Variants in ITGA5 observed in about 807,000 individuals in gnomAD.
ITGA5 encodes integrin alpha-5.
A neutral mutation model predicts 146.3 loss-of-function variants in ITGA5; 55 were observed. The ratio of observed to expected loss-of-function variants is 0.38; its 90% confidence interval spans 0.30 to 0.47. The LOEUF is 0.47. Among genes scored for constraint, ITGA5 ranks in the 20% least tolerant of loss-of-function variants. The pLI is 0.99. For synonymous variants in ITGA5, 500 were observed against 531.8 expected (o/e 0.94, Z 0.82); for missense variants, 1,131 against 1,329.0 (o/e 0.85, Z 2.32).
In ITGA5 at chr12:54,404,129, C is replaced by T; in HGVS notation, c.1565+16G>A. On this transcript the variant is annotated intron_variant, in intron 15 of 29. Coordinates refer to ENST00000293379, the MANE Select transcript of ITGA5 (RefSeq NM_002205.5). Reference sequence around the variant, plus strand: ...CCCAGGCTCAGGTCTCTGCAATTTCCTGGGCACCAGCTCACCAGGCCACAG... The same window carrying T: ...CCCAGGCTCAGGTCTCTGCAATTTCTTGGGCACCAGCTCACCAGGCCACAG... 1 of 1,575,016 alleles carries T rather than the reference C, an allele frequency of 6.3e-7. No individual in the cohort carries two copies. Among genetic ancestry groups the T allele is most frequent in the Non-Finnish European group, 8.6e-7 (1 of 1,159,130 alleles).
Position 54,416,226 on chromosome 12 carries a change from C to T in ITGA5, c.218+2755G>A, listed in dbSNP as rs1190326838. ...CTGGGATTACAGGTGCGTGCCAGCA[C>T]GCTCGGCTAATTTTTTTATTTTTAG... On this transcript the variant is annotated intron_variant, in intron 1 of 29. Coordinates refer to ENST00000293379, the MANE Select transcript of ITGA5 (RefSeq NM_002205.5). This position sits in a 1 kb window ranked among gnomAD's most constrained non-coding sequence, Gnocchi z 4.1. 3.9e-5 allele frequency among the ~76,000 whole-genome samples: 6 copies of T among 152,158 alleles called. No homozygotes were observed. The highest frequency in any genetic ancestry group is 7.2e-5 in the African/African-American group (3 of 41,446).
chr12:54,408,299 G>T (rs1955894152), intron 6 of ITGA5, 64 bp from the exon 7 acceptor site: 1 of 1,564,704 alleles, frequency 6.4e-7, no homozygotes, highest in South Asian at 1.1e-5. Context: ...GGGACTCTGG[G>T]GGCTGACTGG....
At position 54,402,098 on chromosome 12, in the gene ITGA5, A is replaced by G. The variant is rs763704796; in HGVS notation, c.2134-5T>C. On this transcript the variant is annotated splice_polypyrimidine_tract_variant and splice_region_variant and intron_variant, in intron 20 of 29. Coordinates refer to ENST00000293379, the MANE Select transcript of ITGA5 (RefSeq NM_002205.5). ...ACAGCTCAGGCTGGAGAAGTTCTGGAGATGGGGTGGGCACTGGTCAGGTTT... is the reference window on the plus strand; with the variant it reads ...ACAGCTCAGGCTGGAGAAGTTCTGGGGATGGGGTGGGCACTGGTCAGGTTT... 3.1e-6 allele frequency: 5 copies of G among 1,613,948 alleles called. No individual in the cohort carries two copies. In the African/African-American group the frequency reaches 6.7e-5, roughly 22 times the overall value.
At chr12:54,404,581 AG>A in intron 13 of ITGA5, 106 bp from the exon 14 acceptor site, 6 of 1,499,468 alleles carry the variant, frequency 4.0e-6, no homozygotes, top group Non-Finnish European at 5.6e-6. Flanking sequence ...GTGAGAAGAC[AG>A]CGCCCTCTGT....
In ITGA5 at chr12:54,409,541, A is replaced by T; in HGVS notation, c.406T>A (p.Tyr136Asn). 1 of 1,613,740 alleles carries T rather than the reference A, an allele frequency of 6.2e-7. No individual in the cohort carries two copies. ...SSSEGEEPVEYKSLQWFGATV... is the reference protein window; with the variant it reads ...SSSEGEEPVENKSLQWFGATV... ...GCCCCGAACCACTGCAAGGACTTGT[A>T]CTCCACAGGCTCCTCTCCCTCTGAG... The change falls in exon 3 of 30, where the codon TAC (tyrosine) becomes AAC (asparagine). Residue 136 changes from tyrosine to asparagine, a missense_variant. Around this residue, in one of 3 missense-constraint regions of ITGA5, gnomAD observed 175 missense variants for 179.3 expected, o/e 0.98. Transcript: ENST00000293379. The surrounding 1 kb of genome is among the most constrained non-coding windows in gnomAD (Gnocchi z 4.7).
At chr12:54,405,100 C>T (rs992011706) in intron 12 of ITGA5, 66 bp downstream of exon 12, 4 of 1,417,306 alleles carry the variant, frequency 2.8e-6, no homozygotes, top group East Asian at 4.6e-5. Context: ...CAGATGCCCT[C>T]TCCCCAAATC....
In ITGA5 at chr12:54,403,201, GGCTCTT is replaced by G; in HGVS notation, c.1894_1899del (p.Lys632_Ser633del). Reference sequence around the variant, plus strand: ...CCTGTCCTCACCTTGTCCTCTATCCGGCTCTTGCTCTGATAATGTAGGGCTGGCCTG... The same window carrying G: ...CCTGTCCTCACCTTGTCCTCTATCCGGCTCTGATAATGTAGGGCTGGCCTG... On this transcript the variant is annotated inframe_deletion, in exon 18 of 30. Transcript: ENST00000293379. The surrounding 1 kb of genome is among the most constrained non-coding windows in gnomAD (Gnocchi z 4.9). The G allele has an allele frequency of 6.4e-7, 1 of 1,559,288 alleles. No homozygotes were observed. Among genetic ancestry groups the G allele is most frequent in the Non-Finnish European group, 8.7e-7 (1 of 1,154,142 alleles).
intron 15 of ITGA5, 51 bp from the exon 16 acceptor site, chr12:54,404,017 C>A: frequency 1.3e-6 from 2 of 1,599,502 alleles, no homozygotes; most frequent in Non-Finnish European, 1.7e-6. Flanking sequence ...AACAGACATC[C>A]TATCCTCTAC....
At position 54,397,442 on chromosome 12, in the gene ITGA5, C is replaced by A. The variant is rs771692164; in HGVS notation, c.2989G>T (p.Val997Phe). ...GCTAGGATGATGATCCACAGTGGGA[C>A]GCCATAGCTGCCTTCTGCCTTGGTC... is the stretch of plus-strand genomic sequence containing the variant. ...QWTKAEGSYG[V>F]PLWIIILAIL... The change falls in exon 29 of 30, where the codon GTC becomes TTC. Residue 997 changes from valine (V) to phenylalanine (F), a missense_variant. Val to Phe is a conservative substitution (Grantham distance 50, BLOSUM62 -1). Transcript: ENST00000293379. 6.2e-7 allele frequency: 1 copy of A among 1,614,142 alleles called. No homozygotes were observed. Among genetic ancestry groups the A allele is most frequent in the East Asian group, 2.2e-5 (1 of 44,890 alleles).
chr12:54,399,719 G>C lies in ITGA5; in HGVS notation c.2767C>G (p.Leu923Val). The C allele has an allele frequency of 1.2e-6, 2 of 1,614,178 alleles. No individual in the cohort carries two copies. Among genetic ancestry groups the C allele is most frequent in the Non-Finnish European group, 1.7e-6 (2 of 1,180,022 alleles). ...CTCTCTTGTTGGTGCAGGGGCCCGA[G>C]CTCACAGCGCAGCCTGAAACACTCA... Reference protein sequence around the residue: ...EAECFRLRCELGPLHQQESQS... With the variant: ...EAECFRLRCEVGPLHQQESQS... The change falls in exon 27 of 30, where the codon CTC becomes GTC. Residue 923 changes from leucine to valine, a missense_variant. By Grantham distance (32) the Leu-to-Val change is conservative (BLOSUM62 1). Around this residue, in one of 3 missense-constraint regions of ITGA5, gnomAD observed 889 missense variants for 1,021.5 expected, o/e 0.87. Transcript: ENST00000293379.
Position 54,404,038 on chromosome 12 carries a change from G to A in ITGA5, c.1566-72C>T, listed in dbSNP as rs1237083067. 5.7e-6 allele frequency: 9 copies of A among 1,583,298 alleles called. No individual in the cohort carries two copies. The Admixed American group carries it at 1.0e-4, about 18-fold the overall frequency. On this transcript the variant is annotated intron_variant, in intron 15 of 29. Transcript: ENST00000293379. ...CATCCTATCCTCTACCTATCTCCCA[G>A]CCAGACCCAGACTAGGACACCACCA...
At chr12:54,414,719 C>T (rs777110881) in intron 1 of ITGA5, among the ~76,000 whole-genome samples, 1 of 150,568 alleles carries the variant, frequency 6.6e-6, no homozygotes, top group Non-Finnish European at 1.5e-5. Flanking sequence ...TGGTGGCGGG[C>T]GCTTGTAGTC....
Position 54,401,259 on chromosome 12 carries a change from T to A in ITGA5, c.2493+114A>T. On this transcript the variant is annotated intron_variant, in intron 24 of 29. Coordinates refer to ENST00000293379, the MANE Select transcript of ITGA5 (RefSeq NM_002205.5). The surrounding 1 kb of genome is among the most constrained non-coding windows in gnomAD (Gnocchi z 5.0). ...CTGCCTCATGCCTTTGCATATCACTTACTCCTCCCTCCTCTCTTTCTCTCA... is the reference window on the plus strand; with the variant it reads ...CTGCCTCATGCCTTTGCATATCACTAACTCCTCCCTCCTCTCTTTCTCTCA... 1.1e-6 allele frequency: 1 copy of A among 873,424 alleles called. No individual in the cohort carries two copies. Among genetic ancestry groups the A allele is most frequent in the Non-Finnish European group, 1.9e-6 (1 of 522,086 alleles). The allele number at this position is 873,424 out of a possible 1,614,324, so 54.1% of individuals were successfully genotyped here.
chr12:54,400,370 T>C lies in ITGA5; in HGVS notation c.2644-423A>G, dbSNP rs185172640. ...TCACTTCATCACCTTTCAATCCCTG[T>C]TAATTTTTCTCCTTCTCTTTTTCTT... is the stretch of plus-strand genomic sequence containing the variant. On this transcript the variant is annotated intron_variant, in intron 25 of 29. Coordinates refer to ENST00000293379, the MANE Select transcript of ITGA5 (RefSeq NM_002205.5). 1.6e-3 allele frequency: 327 copies of C among 200,870 alleles called. 2 individuals are homozygous for C. The highest frequency in any genetic ancestry group is 7.2e-3 in the African/African-American group (308 of 42,662). The allele number at this position is 200,870 out of a possible 1,614,324, so 12.4% of individuals were successfully genotyped here.
Position 54,401,714 on chromosome 12 carries a change from T to C in ITGA5, c.2307-49A>G, listed in dbSNP as rs1955786119. 6.2e-7 allele frequency: 1 copy of C among 1,611,894 alleles called. No individual in the cohort carries two copies. Among genetic ancestry groups the C allele is most frequent in the Non-Finnish European group, 8.5e-7 (1 of 1,178,042 alleles). ...GGTGCTGGAGTGCAGCCAGTGAGAA[T>C]GGCGCCCAGCCCTCCCTTCCGTCCC... On this transcript the variant is annotated intron_variant, in intron 22 of 29. Coordinates refer to ENST00000293379, the MANE Select transcript of ITGA5 (RefSeq NM_002205.5). The surrounding 1 kb of genome is among the most constrained non-coding windows in gnomAD (Gnocchi z 5.0).
chr12:54,409,828 A>ACACACGCACG lies in ITGA5; in HGVS notation c.350-241_350-232dup. 2.1e-6 allele frequency: 1 copy of ACACACGCACG among 469,354 alleles called. No individual in the cohort carries two copies. The highest frequency in any genetic ancestry group is 3.8e-5 in the East Asian group (1 of 26,302). 29.1% of individuals were successfully genotyped at this position (469,354 alleles called of 1,614,324 possible). On this transcript the variant is annotated intron_variant, in intron 2 of 29. Transcript: ENST00000293379. The surrounding 1 kb of genome is among the most constrained non-coding windows in gnomAD (Gnocchi z 4.7). ...TACACATACACACACACACATACAT[A>ACACACGCACG]CACACGCACGCACACGCACACAGAA...
rs762139404 is a variant in ITGA5 at position 54,418,974 on chromosome 12, C to T, written c.218+7G>A. 6.2e-7 allele frequency: 1 copy of T among 1,610,680 alleles called. No individual in the cohort carries two copies. The highest frequency in any genetic ancestry group is 2.2e-5 in the East Asian group (1 of 44,782). On this transcript the variant is annotated splice_region_variant and intron_variant, in intron 1 of 29. Transcript: ENST00000293379. ...CCCCCATCCCGTCTCCAGCCCTCCT[C>T]ACTCACCCGTCTGTTCCCGGCCGGT...
At chr12:54,398,833 C>CTTTTT (rs1428509727) in intron 27 of ITGA5, 135 bp from the exon 28 acceptor site, 8 of 391,088 alleles carry the variant, frequency 2.0e-5, no homozygotes, top group African/African-American at 1.3e-4. Flanking sequence ...CTCTCTCTCT[C>CTTTTT]TCTTTTTTTT....
At position 54,419,092 on chromosome 12, in the gene ITGA5, G is replaced by GGCGGCGGCAGCAGCAGCAACA. The variant is rs1393720005; in HGVS notation, c.86_106dup (p.Leu29_Pro35dup). 4 of 1,588,606 alleles carry GGCGGCGGCAGCAGCAGCAACA rather than the reference G, an allele frequency of 2.5e-6. No homozygotes were observed. Among genetic ancestry groups the GGCGGCGGCAGCAGCAGCAACA allele is most frequent in the South Asian group, 2.3e-5 (2 of 87,850 alleles). On this transcript the variant is annotated inframe_insertion, in exon 1 of 30. Coordinates refer to ENST00000293379, the MANE Select transcript of ITGA5 (RefSeq NM_002205.5). ...TAAGTTGAAGCCCCCGACCCTGGGT[G>GGCGGCGGCAGCAGCAGCAACA]GCGGCGGCAGCAGCAGCAACAGCAG...
Sources: gnomAD v4.1 joint callset for allele counts (sites outside exome capture counted in the v4.1 genomes callset) on GRCh38, gnomAD v4.1.1 for gene constraint, gnomAD v4.1.1 regional missense constraint, Gnocchi (gnomAD v3.1) non-coding constraint, MANE v1.5 for transcripts, NCBI Gene and HGNC (gene_info 2026-07-23, HGNC 2026-07-21) for gene names.